RABGAP1L: variants seen among roughly 807,000 people sequenced by gnomAD.
RABGAP1L encodes rab GTPase-activating protein 1-like.
Under a neutral mutation model 137.7 loss-of-function variants are expected in RABGAP1L, and 63 were observed. That is an observed-to-expected ratio of 0.46 (90% CI 0.37 to 0.56). The LOEUF (loss-of-function observed/expected upper bound fraction) is 0.56. Ranked by LOEUF, RABGAP1L falls within the 20% of genes least tolerant of loss-of-function variation. The pLI, the probability that RABGAP1L is intolerant of heterozygous loss-of-function variation, is 0.00. For missense variants in RABGAP1L, 1,095 were observed against 1,244.0 expected (o/e 0.88, Z 1.80); for synonymous variants, 431 against 433.7 (o/e 0.99, Z 0.08).
chr1:174,493,523 T>A (rs1434923900), intron 13 of RABGAP1L, among the ~76,000 whole-genome samples: 1 of 151,924 alleles, frequency 6.6e-6, no homozygotes, highest in Non-Finnish European at 1.5e-5. Context: ...AAGTTGATGA[T>A]AATTTTATAG....
chr1:174,807,219 C>T (rs992127076), intron 18 of RABGAP1L, among the ~76,000 whole-genome samples: 1 of 152,086 alleles, frequency 6.6e-6, no homozygotes, highest in Non-Finnish European at 1.5e-5. Context: ...ATGTTTATCT[C>T]TGTAGTCAGA....
chr1:174,930,549 T>C (rs529248847), intron 19 of RABGAP1L, among the ~76,000 whole-genome samples: 1 of 152,262 alleles, frequency 6.6e-6, no homozygotes, highest in Non-Finnish European at 1.5e-5. Context: ...ACTCCTGGAC[T>C]CCAGCAATCC....
chr1:174,371,703 A>G (rs1049748675), intron 12 of RABGAP1L, among the ~76,000 whole-genome samples: 1 of 152,184 alleles, frequency 6.6e-6, no homozygotes, highest in Non-Finnish European at 1.5e-5. Context: ...ATACTTCCCC[A>G]TATTAGTATA....
intron 13 of RABGAP1L, among the ~76,000 whole-genome samples, chr1:174,625,772 G>A (rs886780499): frequency 6.6e-6 from 1 of 152,110 alleles, no homozygotes; most frequent in Non-Finnish European, 1.5e-5. Context: ...TGCACACATG[G>A]TCAAAGTTAT....
intron 1 of RABGAP1L, among the ~76,000 whole-genome samples, chr1:174,190,453 A>T (rs1028456068): frequency 1.3e-5 from 2 of 152,230 alleles, no homozygotes; most frequent in Non-Finnish European, 2.9e-5. Flanking sequence ...AGCAATAGAA[A>T]GCAGACTAAG....
intron 19 of RABGAP1L, chr1:174,897,083 T>G (rs1384223118): frequency 6.6e-6 from 1 of 152,264 alleles, no homozygotes; most frequent in African/African-American, 2.4e-5. Flanking sequence ...CATGGAATGT[T>G]CTTCCATTTG....
intron 13 of RABGAP1L, among the ~76,000 whole-genome samples, chr1:174,564,777 A>G (rs1315127067): frequency 6.6e-6 from 1 of 152,178 alleles, no homozygotes; most frequent in Non-Finnish European, 1.5e-5. Context: ...TAGAGGAGAA[A>G]AAAACTTATT....
At chr1:174,778,510 A>G (rs141754930) in intron 18 of RABGAP1L, among the ~76,000 whole-genome samples, 1 of 152,290 alleles carries the variant, frequency 6.6e-6, no homozygotes, top group Non-Finnish European at 1.5e-5. Flanking sequence ...TAAGAGTACA[A>G]TTCTGTATTC....
chr1:174,566,989 CATA>C (rs1020537083), intron 13 of RABGAP1L, among the ~76,000 whole-genome samples: 2 of 152,038 alleles, frequency 1.3e-5, no homozygotes, highest in African/African-American at 4.8e-5. Context: ...TGTGGTAAAA[CATA>C]ATATTTATCA....
At chr1:174,698,071 A>G (rs577695621) in intron 15 of RABGAP1L, among the ~76,000 whole-genome samples, 2 of 152,366 alleles carry the variant, frequency 1.3e-5, no homozygotes, top group East Asian at 1.9e-4. Context: ...ATGGAACTCT[A>G]CTTGATTCAC....
Position 174,202,472 on chromosome 1 carries a change from T to A in RABGAP1L, c.-33-16653T>A, listed in dbSNP as rs566999121. On this transcript the variant is annotated intron_variant, in intron 1 of 25. Transcript: ENST00000681986. ...TTCTTTTGAGAAGTGTCTGTTCATATCCTTCGCCTACTTTTTGATGGGGTT... is the reference window on the plus strand; with the variant it reads ...TTCTTTTGAGAAGTGTCTGTTCATAACCTTCGCCTACTTTTTGATGGGGTT... Among the ~76,000 whole-genome samples, 23 of 152,364 alleles carry A rather than the reference T, an allele frequency of 1.5e-4. No homozygotes were observed. In the South Asian group the frequency reaches 4.8e-3, roughly 32 times the overall value.
chr1:174,252,587 A>T lies in RABGAP1L; in HGVS notation c.983A>T (p.Glu328Val). The T allele has an allele frequency of 6.2e-7, 1 of 1,609,724 alleles. No individual in the cohort carries two copies. The highest frequency in any genetic ancestry group is 8.5e-7 in the Non-Finnish European group (1 of 1,178,694). ...QQLSNKELAIERCFGMLLSPG... is the reference protein window; with the variant it reads ...QQLSNKELAIVRCFGMLLSPG... ...CTTTCTAACAAAGAATTAGCTATTG[A>T]AAGGTAAGCAGCTTGCTCCTAAATG... The change falls in exon 7 of 26, where the codon GAA becomes GTA. Residue 328 changes from glutamate (E) to valine (V), a missense_variant. Transcript: ENST00000681986.
At position 174,761,650 on chromosome 1, in the gene RABGAP1L, C is replaced by T. The variant is rs1685233759; in HGVS notation, c.2211+9296C>T. On this transcript the variant is annotated intron_variant, in intron 18 of 25. Coordinates refer to ENST00000681986, the MANE Select transcript of RABGAP1L (RefSeq NM_001366446.1). This position sits in a 1 kb window ranked among gnomAD's most constrained non-coding sequence, Gnocchi z 4.0. ...AGACGGAGACAGTGTGGGGGCCGGA[C>T]AAGGGCCGAACAGAGGCATTCCTCA... Among the ~76,000 whole-genome samples, 1 of 152,290 alleles carries T rather than the reference C, an allele frequency of 6.6e-6. No homozygotes were observed. The highest frequency in any genetic ancestry group is 3.4e-3 in the Middle Eastern group (1 of 294).
chr1:174,624,135 C>G (rs1027666286), intron 13 of RABGAP1L, among the ~76,000 whole-genome samples: 5 of 152,298 alleles, frequency 3.3e-5, no homozygotes, highest in East Asian at 3.9e-4. Flanking sequence ...AGAGTCACAT[C>G]TACTGGGCAT....
At chr1:174,404,432 G>A (rs1304541832) in intron 13 of RABGAP1L, among the ~76,000 whole-genome samples, 1 of 152,086 alleles carries the variant, frequency 6.6e-6, no homozygotes, top group Non-Finnish European at 1.5e-5. Flanking sequence ...ATCCTAGTTG[G>A]CCAGCTTCAT....
intron 4 of RABGAP1L, among the ~76,000 whole-genome samples, chr1:174,238,182 T>G (rs2148538670): frequency 6.6e-6 from 1 of 152,118 alleles, no homozygotes; most frequent in African/African-American, 2.4e-5. Flanking sequence ...CTAAATTTTT[T>G]TCAAAGTTTT....
chr1:174,481,150 A>G (rs1224425378), intron 13 of RABGAP1L, among the ~76,000 whole-genome samples: 1 of 152,180 alleles, frequency 6.6e-6, no homozygotes, highest in East Asian at 1.9e-4. Flanking sequence ...ACAGTCATTT[A>G]CACTTGACGC....
intron 3 of RABGAP1L, among the ~76,000 whole-genome samples, chr1:174,223,476 T>C (rs1182112459): frequency 1.3e-5 from 2 of 150,516 alleles, no homozygotes; most frequent in South Asian, 2.1e-4. Flanking sequence ...TTAACGACTT[T>C]TAGGAAGGTT....
At chr1:174,338,043 G>A (rs925685187) in intron 11 of RABGAP1L, among the ~76,000 whole-genome samples, 2 of 152,094 alleles carry the variant, frequency 1.3e-5, no homozygotes, top group Non-Finnish European at 2.9e-5. Flanking sequence ...AGTGCTGTGG[G>A]ACTAATTAAG....
Sources: gnomAD v4.1 joint callset for allele counts (sites outside exome capture counted in the v4.1 genomes callset) on GRCh38, gnomAD v4.1.1 for gene constraint, Gnocchi (gnomAD v3.1) non-coding constraint, MANE v1.5 for transcripts, NCBI Gene and HGNC (gene_info 2026-07-23, HGNC 2026-07-21) for gene names.